ITPR2: variants seen among roughly 807,000 people sequenced by gnomAD.
ITPR2 encodes the protein inositol 1,4,5-trisphosphate-gated calcium channel ITPR2.
Under a neutral mutation model 317.1 loss-of-function variants are expected in ITPR2, and 207 were observed. The observed-to-expected ratio is 0.65, with a 90% CI of 0.58 to 0.73. ITPR2 has a LOEUF of 0.73. Among genes scored for constraint, ITPR2 ranks in the 30% least tolerant of loss-of-function variants. ITPR2 has a pLI of 0.00. For missense variants in ITPR2, 2,613 were observed against 3,284.0 expected (o/e 0.80, Z 4.99); for synonymous variants, 1,156 against 1,149.1 (o/e 1.01, Z -0.12).
chr12:26,553,648 G>C (rs1008974642), intron 36 of ITPR2, among the ~76,000 whole-genome samples: 5 of 152,102 alleles, frequency 3.3e-5, no homozygotes, highest in Non-Finnish European at 7.4e-5. Flanking sequence ...AGCTGGGCTT[G>C]GTGGCGGTTG....
chr12:26,396,280 C>G (rs1939995061), intron 54 of ITPR2, among the ~76,000 whole-genome samples: 1 of 152,138 alleles, frequency 6.6e-6, no homozygotes, highest in African/African-American at 2.4e-5. Context: ...GGAGTGTCCT[C>G]TCAGCCTCTT....
At chr12:26,574,756 T>G (rs1331963812) in intron 34 of ITPR2, among the ~76,000 whole-genome samples, 1 of 151,986 alleles carries the variant, frequency 6.6e-6, no homozygotes, top group Non-Finnish European at 1.5e-5. Flanking sequence ...CCACTCGTGG[T>G]GGAAGGCACA....
chr12:26,634,884 C>CAAAAAAAA (rs55985706), intron 21 of ITPR2, among the ~76,000 whole-genome samples: 2 of 58,554 alleles, frequency 3.4e-5, no homozygotes, highest in Admixed American at 2.5e-4. Flanking sequence ...GACTTCATCT[C>CAAAAAAAA]AAAAAAAAAA....
chr12:26,341,770 T>C (rs1938120384), intron 55 of ITPR2, among the ~76,000 whole-genome samples: 1 of 152,214 alleles, frequency 6.6e-6, no homozygotes. Context: ...GTGTCTGCTC[T>C]CAAGGAGCTT....
intron 1 of ITPR2, among the ~76,000 whole-genome samples, chr12:26,796,078 G>A (rs997170018): frequency 1.3e-5 from 2 of 151,972 alleles, no homozygotes; most frequent in Non-Finnish European, 2.9e-5. Flanking sequence ...AGTGGCACAA[G>A]CTGCACCTGC....
At position 26,618,007 on chromosome 12, in the gene ITPR2, A is replaced by T. The variant is rs192452277; in HGVS notation, c.3462+3116T>A. ...GTGAACAGATTAAATAAAAAATAAT[A>T]TAATCTTAATAGATGTGTAAATTAC... On this transcript the variant is annotated intron_variant, in intron 26 of 56. Transcript: ENST00000381340. Among the ~76,000 whole-genome samples the T allele has an allele frequency of 2.5e-4, 38 of 152,354 alleles. No individual in the cohort carries two copies. The East Asian group carries it at 5.6e-3, about 22-fold the overall frequency.
intron 21 of ITPR2, among the ~76,000 whole-genome samples, chr12:26,634,626 C>T (rs941206836): frequency 6.6e-6 from 1 of 152,104 alleles, no homozygotes. Flanking sequence ...TGGCTCATGC[C>T]TGTAATCCTA....
At chr12:26,623,798 G>A (rs776621490) in intron 24 of ITPR2, among the ~76,000 whole-genome samples, 6 of 152,030 alleles carry the variant, frequency 3.9e-5, no homozygotes, top group African/African-American at 7.3e-5. Context: ...AACAATAAAC[G>A]GCAGGATTCC....
intron 24 of ITPR2, 31 bp from the exon 25 acceptor site, chr12:26,622,436 T>C (rs898719472): frequency 1.3e-6 from 2 of 1,532,290 alleles, no homozygotes; most frequent in Non-Finnish European, 1.8e-6. Context: ...CTAAAGTGAC[T>C]CCTATTTATA....
At chr12:26,681,813 AG>A in intron 13 of ITPR2, 60 bp downstream of exon 13, 1 of 1,209,604 alleles carries the variant, frequency 8.3e-7, no homozygotes, top group East Asian at 2.4e-5. Flanking sequence ...CATTCATATC[AG>A]GCTTACTATA....
chr12:26,575,992 A>G (rs1220073300), intron 34 of ITPR2, among the ~76,000 whole-genome samples: 3 of 152,224 alleles, frequency 2.0e-5, no homozygotes, highest in African/African-American at 7.2e-5. Context: ...GAGGAGGAGG[A>G]ACAAGAGGAG....
chr12:26,497,492 T>TGCC (rs1565562075), intron 37 of ITPR2, among the ~76,000 whole-genome samples: 1 of 150,600 alleles, frequency 6.6e-6, no homozygotes, highest in Non-Finnish European at 1.5e-5. Context: ...TGATATTCAA[T>TGCC]TGTTTTAGGC....
At chr12:26,511,372 A>G (rs1555144822) in intron 37 of ITPR2, among the ~76,000 whole-genome samples, 2 of 152,160 alleles carry the variant, frequency 1.3e-5, no homozygotes, top group Admixed American at 1.3e-4. Context: ...CTCATACAGT[A>G]CTCTGGACTT....
Position 26,658,031 on chromosome 12 carries a change from T to C in ITPR2, c.1986A>G (p.Ala662=). The C allele has an allele frequency of 6.2e-7, 1 of 1,613,004 alleles. No individual in the cohort carries two copies. Among genetic ancestry groups the C allele is most frequent in the Non-Finnish European group, 8.5e-7 (1 of 1,179,582 alleles). Reference sequence around the variant, plus strand: ...CTTACTTAGTTTGAATGAGAATGTCTGCATTGCCTGGACTCAACATAAATT... The same window carrying C: ...CTTACTTAGTTTGAATGAGAATGTCCGCATTGCCTGGACTCAACATAAATT... The part of the protein sequence containing the change: ...ICKFMLSPGN[A]DILIQTKVVS... The change falls in exon 17 of 57, where the codon GCA becomes GCG. Residue 662 remains alanine (A), a synonymous_variant. Transcript: ENST00000381340.
At chr12:26,797,341 C>T (rs748112598) in intron 1 of ITPR2, among the ~76,000 whole-genome samples, 1 of 152,166 alleles carries the variant, frequency 6.6e-6, no homozygotes, top group Non-Finnish European at 1.5e-5. Context: ...ATTCCTTTGT[C>T]TCCAGTCCCT....
intron 1 of ITPR2, among the ~76,000 whole-genome samples, chr12:26,802,638 G>GAT (rs1950579688): frequency 7.8e-6 from 1 of 127,934 alleles, no homozygotes; most frequent in Non-Finnish European, 1.7e-5. Flanking sequence ...TAGATATACA[G>GAT]ATAGATATAG....
chr12:26,492,480 T>C (rs986383219), intron 39 of ITPR2, among the ~76,000 whole-genome samples: 2 of 151,708 alleles, frequency 1.3e-5, no homozygotes, highest in African/African-American at 4.8e-5. Flanking sequence ...AAAAAATCCT[T>C]CACTTCTATC....
At chr12:26,445,509 G>C (rs1941587870) in intron 45 of ITPR2, among the ~76,000 whole-genome samples, 1 of 151,610 alleles carries the variant, frequency 6.6e-6, no homozygotes, top group South Asian at 2.1e-4. Context: ...AGTTGGTTAA[G>C]AAAGGTAGGA....
chr12:26,381,850 G>A (rs974716468), intron 55 of ITPR2, among the ~76,000 whole-genome samples: 4 of 152,144 alleles, frequency 2.6e-5, no homozygotes, highest in East Asian at 3.9e-4. Flanking sequence ...CACGCATGCC[G>A]CCTGCTCTTA....
Sources: gnomAD v4.1 joint callset for allele counts (sites outside exome capture counted in the v4.1 genomes callset) on GRCh38, gnomAD v4.1.1 for gene constraint, MANE v1.5 for transcripts, NCBI Gene and HGNC (gene_info 2026-07-23, HGNC 2026-07-21) for gene names.